Variants in XKR7 observed in about 807,000 individuals in gnomAD.
The protein encoded by XKR7 is XK related 7.
XKR7 carries 11 observed loss-of-function variants against 42.2 expected under a neutral mutation model. The observed-to-expected ratio is 0.26, with a 90% CI of 0.16 to 0.43. XKR7 has a LOEUF of 0.43. Ranked by LOEUF, XKR7 falls within the 20% of genes least tolerant of loss-of-function variation. The pLI, the probability that XKR7 is intolerant of heterozygous loss-of-function variation, is 1.00. For missense variants in XKR7, 710 were observed against 802.2 expected (o/e 0.89, Z 1.39); for synonymous variants, 346 against 366.4 (o/e 0.94, Z 0.64).
At chr20:31,982,537 A>AC (rs1191841939) in intron 1 of XKR7, among the ~76,000 whole-genome samples, 1 of 151,202 alleles carries the variant, frequency 6.6e-6, no homozygotes, top group African/African-American at 2.4e-5. Flanking sequence ...AAAAAAAAAA[A>AC]GGCTTGGTGA....
At chr20:31,982,290 G>A (rs2064516884) in intron 1 of XKR7, among the ~76,000 whole-genome samples, 1 of 152,128 alleles carries the variant, frequency 6.6e-6, no homozygotes. Context: ...GGAGGCTGAG[G>A]TGGGTGGATC....
At chr20:31,978,180 A>C (rs533932118) in intron 1 of XKR7, among the ~76,000 whole-genome samples, 3 of 151,274 alleles carry the variant, frequency 2.0e-5, no homozygotes, top group Non-Finnish European at 4.4e-5. Context: ...ATCTCAGTTC[A>C]CTCTAGCCTC....
At position 31,996,986 on chromosome 20, in the gene XKR7, C is replaced by A. The variant is rs2064596050; in HGVS notation, c.1269C>A (p.Ser423=). 6.2e-7 allele frequency: 1 copy of A among 1,614,140 alleles called. No homozygotes were observed. ...TCATCATGGTCTGCGTAGTGGCCTC[C>A]AGCTTTGCGCTGGGCATATTCTTCA... ...YSLIMVCVVA[S]SFALGIFFMC... Residue 423 remains serine, a synonymous_variant, in exon 3 of 3, where the codon TCC becomes TCA. Transcript: ENST00000562532.
Position 31,973,809 on chromosome 20 carries a change from C to G in XKR7, c.584+5050C>G, listed in dbSNP as rs536780764. On this transcript the variant is annotated intron_variant, in intron 1 of 2. Transcript: ENST00000562532. ...GGCAAGGACTAGGGCTTTTACTCTT[C>G]ATGACACGGGGAGCCCAGGATAATT... 3.9e-5 allele frequency among the ~76,000 whole-genome samples: 6 copies of G among 152,312 alleles called. No individual in the cohort carries two copies. The East Asian group carries it at 1.2e-3, about 29-fold the overall frequency.
chr20:31,970,957 A>G (rs557729818), intron 1 of XKR7: 2 of 152,350 alleles, frequency 1.3e-5, no homozygotes, highest in South Asian at 4.1e-4. Context: ...TCCTTGTCCA[A>G]GGTCACACAG....
At chr20:31,976,298 C>T (rs1006067084) in intron 1 of XKR7, among the ~76,000 whole-genome samples, 1 of 152,224 alleles carries the variant, frequency 6.6e-6, no homozygotes, top group Admixed American at 6.5e-5. Flanking sequence ...ACTATACTGT[C>T]TTCTGCTAGT....
At chr20:31,985,461 A>G (rs1051018015) in intron 1 of XKR7, among the ~76,000 whole-genome samples, 4 of 151,930 alleles carry the variant, frequency 2.6e-5, no homozygotes, top group Non-Finnish European at 4.4e-5. Context: ...GCAGGGGAGG[A>G]TGGCCAGAAA....
At chr20:31,994,952 A>C in intron 1 of XKR7, 116 bp from the exon 2 acceptor site, 11 of 1,476,498 alleles carry the variant, frequency 7.5e-6, no homozygotes, top group Non-Finnish European at 9.8e-6. Context: ...CAGCTGAGGA[A>C]ACAGGCTCAG....
chr20:31,989,678 GTCATGGC>G, intron 1 of XKR7, among the ~76,000 whole-genome samples: 1 of 152,258 alleles, frequency 6.6e-6, no homozygotes. Flanking sequence ...CAGTGGTGCA[GTCATGGC>G]TGACTGCAGC....
At chr20:31,992,252 T>A (rs978307602) in intron 1 of XKR7, among the ~76,000 whole-genome samples, 2 of 152,216 alleles carry the variant, frequency 1.3e-5, no homozygotes, top group African/African-American at 2.4e-5. Context: ...GAGATACATA[T>A]GGGCACACAG....
chr20:31,978,765 G>T (rs946391745), intron 1 of XKR7, among the ~76,000 whole-genome samples: 3 of 152,176 alleles, frequency 2.0e-5, no homozygotes, highest in Non-Finnish European at 4.4e-5. Context: ...ATAGTTGCAG[G>T]CCCCACCCCA....
intron 1 of XKR7, among the ~76,000 whole-genome samples, chr20:31,991,666 C>T (rs1433897057): frequency 6.6e-6 from 1 of 152,226 alleles, no homozygotes; most frequent in African/African-American, 2.4e-5. Flanking sequence ...CCTTATGTCC[C>T]TGCCCATTAA....
At chr20:31,989,814 T>C (rs1356749445) in intron 1 of XKR7, among the ~76,000 whole-genome samples, 12 of 152,214 alleles carry the variant, frequency 7.9e-5, no homozygotes, top group Non-Finnish European at 1.5e-5. Context: ...GGTTTCTCTG[T>C]GATGCCCAGG....
intron 2 of XKR7, 35 bp from the exon 3 acceptor site, chr20:31,996,470 A>AAAC: frequency 5.0e-6 from 2 of 401,218 alleles, no homozygotes; most frequent in Admixed American, 4.9e-5. Flanking sequence ...CCCGCCCCTA[A>AAAC]CCCAGCCCAC....
At chr20:31,976,702 T>C (rs1197112492) in intron 1 of XKR7, among the ~76,000 whole-genome samples, 1 of 152,168 alleles carries the variant, frequency 6.6e-6, no homozygotes, top group Non-Finnish European at 1.5e-5. Context: ...TATTTTTAAA[T>C]TTGTATTTTA....
chr20:31,997,275 G>A lies in XKR7; in HGVS notation c.1558G>A (p.Gly520Arg). 6.2e-7 allele frequency: 1 copy of A among 1,612,308 alleles called. No individual in the cohort carries two copies. The highest frequency in any genetic ancestry group is 8.5e-7 in the Non-Finnish European group (1 of 1,180,004). ...AGTGGCCCGCACCTTGCGGACAGAG[G>A]GGCCTGTCATCCGGATTGACTTGCC... ...TPVARTLRTE[G>R]PVIRIDLPRK... is the part of the protein sequence containing the mutation. Residue 520 changes from glycine to arginine, a missense_variant, in exon 3 of 3, where the codon GGG (glycine) becomes AGG (arginine). By Grantham distance (125) the Gly-to-Arg change is moderately radical. Transcript: ENST00000562532.
chr20:31,969,601 C>T (rs1220261680), intron 1 of XKR7, among the ~76,000 whole-genome samples: 1 of 152,216 alleles, frequency 6.6e-6, no homozygotes, highest in Non-Finnish European at 1.5e-5. Context: ...TATTTAGTAG[C>T]TTAGGCCCTT....
chr20:31,968,802 G>C lies in XKR7; in HGVS notation c.584+43G>C, dbSNP rs1447042343. ...GGAGGGACCTGAGCCCGAGGAGTGGGGGTGGCGAAGGGCTACCTGACGTCC... is the reference window on the plus strand; with the variant it reads ...GGAGGGACCTGAGCCCGAGGAGTGGCGGTGGCGAAGGGCTACCTGACGTCC... On this transcript the variant is annotated intron_variant, in intron 1 of 2. Transcript: ENST00000562532. This position sits in a 1 kb window ranked among gnomAD's most constrained non-coding sequence, Gnocchi z 4.5. 6.9e-7 allele frequency: 1 copy of C among 1,450,996 alleles called. No homozygotes were observed. The highest frequency in any genetic ancestry group is 1.4e-5 in the African/African-American group (1 of 70,650). The allele number at this position is 1,450,996 out of a possible 1,614,324, so 89.9% of individuals were successfully genotyped here.
intron 1 of XKR7, among the ~76,000 whole-genome samples, chr20:31,982,383 G>A (rs1158294899): frequency 6.6e-6 from 1 of 152,018 alleles, no homozygotes; most frequent in Non-Finnish European, 1.5e-5. Context: ...CAGCTGGGGT[G>A]TGGTGGCGCA....
Sources: gnomAD v4.1 joint callset for allele counts (sites outside exome capture counted in the v4.1 genomes callset) on GRCh38, gnomAD v4.1.1 for gene constraint, Gnocchi (gnomAD v3.1) non-coding constraint, MANE v1.5 for transcripts, NCBI Gene and HGNC (gene_info 2026-07-23, HGNC 2026-07-21) for gene names.